The following DCDC1 variants were observed in gnomAD, a reference collection of about 807,000 sequenced individuals.
DCDC1 encodes doublecortin domain-containing protein 1.
Under a neutral mutation model 178.3 loss-of-function variants are expected in DCDC1, and 200 were observed. That is an observed-to-expected ratio of 1.12 (90% confidence interval 1.00 to 1.26). The LOEUF (loss-of-function observed/expected upper bound fraction) is 1.26. DCDC1 is among the 50% of genes most tolerant of loss of function. The pLI is 0.00. For synonymous variants in DCDC1, 690 were observed against 604.8 expected (o/e 1.14, Z -2.07); for missense variants, 1,983 against 1,749.2 (o/e 1.13, Z -2.38).
rs78279865 is a variant in DCDC1, at chr11:31,006,983, T to C, written c.2592-54415A>G. Among the ~76,000 whole-genome samples the C allele has an allele frequency of 7.1e-3, 1,086 of 152,328 alleles. 7 individuals carry two copies. The highest frequency in any genetic ancestry group is 0.018 in the South Asian group (89 of 4,824). On this transcript the variant is annotated intron_variant, in intron 20 of 38. Transcript: ENST00000684477. ...GAAACTAAGTCTGGCCATTTTATTG[T>C]TAAATATTTCTCCTCTCTGTTCATT...
intron 22 of DCDC1, among the ~76,000 whole-genome samples, chr11:30,927,191 C>G (rs1036078373): frequency 6.6e-6 from 1 of 152,056 alleles, no homozygotes; most frequent in Non-Finnish European, 1.5e-5. Flanking sequence ...TTACAATGTT[C>G]TCTCTCTTTC....
intron 17 of DCDC1, among the ~76,000 whole-genome samples, chr11:31,083,829 T>C (rs1957329508): frequency 6.6e-6 from 1 of 152,228 alleles, no homozygotes; most frequent in South Asian, 2.1e-4. Context: ...TTTGATGTTA[T>C]GTTAGTTTTT....
chr11:31,194,224 T>C (rs958105545), intron 9 of DCDC1, among the ~76,000 whole-genome samples: 1 of 152,240 alleles, frequency 6.6e-6, no homozygotes, highest in East Asian at 1.9e-4. Context: ...ACAAGATTAC[T>C]TCTTGTTGTG....
chr11:31,157,112 C>T (rs1591253844), intron 9 of DCDC1, among the ~76,000 whole-genome samples: 1 of 151,818 alleles, frequency 6.6e-6, no homozygotes, highest in East Asian at 1.9e-4. Context: ...AGGTGGGTGG[C>T]TCACATCTCT....
At chr11:30,945,847 C>G (rs891301199) in intron 21 of DCDC1, among the ~76,000 whole-genome samples, 2 of 152,004 alleles carry the variant, frequency 1.3e-5, no homozygotes, top group African/African-American at 4.8e-5. Context: ...AAAGTATCTT[C>G]TTGTGAGGCA....
intron 9 of DCDC1, among the ~76,000 whole-genome samples, chr11:31,194,915 G>A (rs895640193): frequency 1.4e-4 from 22 of 152,050 alleles, no homozygotes; most frequent in Non-Finnish European, 2.9e-4. Context: ...TAATTAAACT[G>A]CAGCAGTCAC....
chr11:30,993,314 G>T (rs1339462320), intron 20 of DCDC1, among the ~76,000 whole-genome samples: 1 of 152,002 alleles, frequency 6.6e-6, no homozygotes. Context: ...TTCAGAGATT[G>T]CCCGTGTTAT....
At chr11:31,108,226 T>C (rs1958979565) in intron 12 of DCDC1, among the ~76,000 whole-genome samples, 1 of 152,328 alleles carries the variant, frequency 6.6e-6, no homozygotes, top group South Asian at 2.1e-4. Flanking sequence ...TTTTTAGTCT[T>C]GAGCATTGGA....
chr11:31,110,226 C>G (rs368370214), intron 12 of DCDC1, 34 bp downstream of exon 12: 2 of 684,522 alleles, frequency 2.9e-6, no homozygotes, highest in African/African-American at 3.5e-5. Flanking sequence ...TTGCAAGACA[C>G]TTAAAGTCAT....
At chr11:31,300,993 C>G (rs1555170536) in intron 6 of DCDC1, among the ~76,000 whole-genome samples, 7 of 152,116 alleles carry the variant, frequency 4.6e-5, no homozygotes, top group Non-Finnish European at 1.0e-4. Flanking sequence ...ACTAAGAACA[C>G]TTTTTTGGTC....
intron 20 of DCDC1, among the ~76,000 whole-genome samples, chr11:31,018,206 A>G (rs1451668674): frequency 3.3e-5 from 5 of 152,240 alleles, no homozygotes; most frequent in Non-Finnish European, 5.9e-5. Context: ...AGGTTAACAA[A>G]TGTTTAATGG....
At chr11:31,166,194 T>C (rs1351257540) in intron 9 of DCDC1, among the ~76,000 whole-genome samples, 2 of 152,234 alleles carry the variant, frequency 1.3e-5, no homozygotes, top group Admixed American at 6.5e-5. Flanking sequence ...CTGTTCTATA[T>C]TATTAGCAAT....
At chr11:31,080,481 A>G (rs1316260648) in intron 17 of DCDC1, among the ~76,000 whole-genome samples, 1 of 152,216 alleles carries the variant, frequency 6.6e-6, no homozygotes, top group Non-Finnish European at 1.5e-5. Flanking sequence ...ATTTGACACA[A>G]TCTCAGTAAC....
chr11:31,324,434 T>C (rs945623499), intron 3 of DCDC1, among the ~76,000 whole-genome samples: 1 of 152,050 alleles, frequency 6.6e-6, no homozygotes, highest in African/African-American at 2.4e-5. Context: ...ATTTAAATTT[T>C]CAAAAAGAAA....
intron 36 of DCDC1, among the ~76,000 whole-genome samples, chr11:30,888,140 AAGAAAGAAAG>A (rs1350085190): frequency 2.7e-5 from 4 of 145,606 alleles, no homozygotes; most frequent in African/African-American, 7.9e-5. Context: ...GAAAGAAAGA[AAGAAAGAAAG>A]AAAGAAAGAA....
At chr11:31,080,574 T>G (rs2135575729) in intron 17 of DCDC1, among the ~76,000 whole-genome samples, 1 of 152,300 alleles carries the variant, frequency 6.6e-6, no homozygotes, top group South Asian at 2.1e-4. Flanking sequence ...CAAATTCTCC[T>G]AAGGTACTGA....
chr11:31,323,034 GC>G (rs1949452003), intron 3 of DCDC1, among the ~76,000 whole-genome samples: 1 of 152,010 alleles, frequency 6.6e-6, no homozygotes, highest in Non-Finnish European at 1.5e-5. Flanking sequence ...TAAATTATCT[GC>G]TATTTTCTAA....
intron 9 of DCDC1, among the ~76,000 whole-genome samples, chr11:31,213,287 T>A (rs1042781460): frequency 8.6e-5 from 13 of 151,646 alleles, no homozygotes; most frequent in African/African-American, 3.2e-4. Flanking sequence ...GTCAAAATGA[T>A]CTTTTCAAAT....
chr11:31,290,581 A>G, intron 7 of DCDC1, 66 bp downstream of exon 7: 1 of 1,447,022 alleles, frequency 6.9e-7, no homozygotes, highest in Non-Finnish European at 9.3e-7. Context: ...AGAAGAAAAC[A>G]ACACATTTCA....
Sources: allele counts gnomAD v4.1 joint callset (sites outside exome capture counted in the v4.1 genomes callset), GRCh38; gene constraint gnomAD v4.1.1; transcripts MANE v1.5; gene names NCBI Gene and HGNC (gene_info 2026-07-23, HGNC 2026-07-21).